NMD3: variants seen among roughly 807,000 people sequenced by gnomAD.
The protein encoded by NMD3 is NMD3 ribosome export adaptor.
NMD3 carries 47 observed loss-of-function variants against 73.1 expected under a neutral mutation model. The ratio of observed to expected loss-of-function variants is 0.64; its 90% CI spans 0.51 to 0.82. The LOEUF is 0.82. NMD3 is among the 40% of genes least tolerant of loss of function. The pLI, the probability that NMD3 is intolerant of heterozygous loss-of-function variation, is 0.00. For missense variants in NMD3, 554 were observed against 612.5 expected (o/e 0.90, Z 1.01); for synonymous variants, 210 against 194.5 (o/e 1.08, Z -0.66).
chr3:161,250,920 G>T lies in NMD3; in HGVS notation c.*10G>T, dbSNP rs202051193. 3.1e-6 allele frequency: 5 copies of T among 1,608,194 alleles called. No homozygotes were observed. In the African/African-American group the frequency reaches 6.7e-5, roughly 22 times the overall value. On this transcript the variant is annotated 3_prime_UTR_variant, in exon 16 of 16. Coordinates refer to ENST00000351193, the MANE Select transcript of NMD3 (RefSeq NM_015938.5). The stretch of plus-strand genomic sequence containing the variant: ...ATCAATGCTGACATAATGAGATGTT[G>T]TAGACTGTTTCCATACATGGGCTTA...
In NMD3 at chr3:161,250,828, G is replaced by T. The variant is rs1283514842; in HGVS notation, c.1430G>T (p.Arg477Leu). The change falls in exon 16 of 16, where the codon CGA becomes CTA. Residue 477 changes from arginine to leucine, a missense_variant. Coordinates refer to ENST00000351193, the MANE Select transcript of NMD3 (RefSeq NM_015938.5). ...ESDTDDEGAP[R>L]ISLAEMLEDL... ...GACACCGATGATGAAGGAGCACCTC[G>T]AATTAGTCTGGCTGAGATGCTTGAA... 1.2e-6 allele frequency: 2 copies of T among 1,611,438 alleles called. No homozygotes were observed. Among genetic ancestry groups the T allele is most frequent in the Admixed American group, 1.7e-5 (1 of 59,950 alleles).
In NMD3 at chr3:161,234,805, A is replaced by G. The variant is rs186916331; in HGVS notation, c.436A>G (p.Arg146Gly). The change falls in exon 6 of 16, where the codon AGA (arginine) becomes GGA (glycine). Residue 146 changes from arginine to glycine, a missense_variant. Coordinates refer to ENST00000351193, the MANE Select transcript of NMD3 (RefSeq NM_015938.5). ...GTCCCAAATGTGTGGAGATTGCCAT[A>G]GAGTAGAAGCTAAGGATTTCTGGAA... ...VQSQMCGDCH[R>G]VEAKDFWKAV... 4.3e-6 allele frequency: 7 copies of G among 1,613,430 alleles called. No homozygotes were observed. The highest frequency in any genetic ancestry group is 4.2e-6 in the Non-Finnish European group (5 of 1,179,564).
intron 4 of NMD3, among the ~76,000 whole-genome samples, chr3:161,229,724 G>A (rs903323034): frequency 7.9e-5 from 12 of 152,208 alleles, no homozygotes; most frequent in Admixed American, 7.9e-4. Flanking sequence ...CCTTTAATGG[G>A]TAATGATGAA....
intron 2 of NMD3, 93 bp from the exon 3 acceptor site, chr3:161,224,837 T>G (rs969328732): frequency 4.8e-5 from 61 of 1,280,340 alleles, no homozygotes; most frequent in Non-Finnish European, 6.3e-5. Flanking sequence ...TGCTGTGGCC[T>G]AACTTGAAGG....
intron 12 of NMD3, 98 bp from the exon 13 acceptor site, chr3:161,247,160 A>G: frequency 1.4e-6 from 1 of 700,680 alleles, no homozygotes; most frequent in Non-Finnish European, 2.6e-6. Flanking sequence ...AGCATATTAA[A>G]TGTTTGATTT....
chr3:161,221,856 C>A (rs1736096520), intron 1 of NMD3, 138 bp from the exon 2 acceptor site: 1 of 546,608 alleles, frequency 1.8e-6, no homozygotes. Flanking sequence ...TTCCTTCTTT[C>A]CTGCTTTTTC....
chr3:161,221,823 G>A lies in NMD3; in HGVS notation c.-20-171G>A, dbSNP rs1230527773. 3 of 470,798 alleles carry A rather than the reference G, an allele frequency of 6.4e-6. No individual in the cohort carries two copies. In the East Asian group the frequency reaches 1.0e-4, roughly 16 times the overall value. The allele number at this position is 470,798 out of a possible 1,614,324, so 29.2% of individuals were successfully genotyped here. On this transcript the variant is annotated intron_variant, in intron 1 of 15. Transcript: ENST00000351193. ...TCCTCATCTTAAAGTTCTTTTTAAC[G>A]AACTTACCCAGTGGAGTTGGGTTTC...
At position 161,233,464 on chromosome 3, in the gene NMD3, G is replaced by A; in HGVS notation, c.342G>A (p.Leu114=). ...ATTCTAAGAGACTTAAAGTTAAACT[G>A]ACTATTCAGAAAGAGGTAAGCAGTA... ...EPHSKRLKVK[L]TIQKEVMNGA... is the part of the protein sequence containing the mutation. Residue 114 remains leucine (L), a synonymous_variant, in exon 5 of 16, where the codon CTG becomes CTA. Transcript: ENST00000351193. 7 of 1,603,484 alleles carry A rather than the reference G, an allele frequency of 4.4e-6. No individual in the cohort carries two copies. Among genetic ancestry groups the A allele is most frequent in the Non-Finnish European group, 6.0e-6 (7 of 1,172,860 alleles).
intron 10 of NMD3, 42 bp downstream of exon 10, chr3:161,241,205 A>T: frequency 1.9e-6 from 2 of 1,079,592 alleles, no homozygotes; most frequent in Non-Finnish European, 2.8e-6. Context: ...TTTGTTTTGT[A>T]TGACAAACAA....
At position 161,227,274 on chromosome 3, in the gene NMD3, A is replaced by G. The variant is rs748833148; in HGVS notation, c.207A>G (p.Ile69Met). The change falls in exon 4 of 16, where the codon ATA (isoleucine) becomes ATG (methionine). Residue 69 changes from isoleucine to methionine, a missense_variant. By Grantham distance (10) the Ile-to-Met change is conservative. Transcript: ENST00000351193. ...QRYFQPPGTW[I>M]QCALESRELL... ...ATTTTCAACCACCAGGAACTTGGAT[A>G]CAGTGTGCTTTAGAATCCAGGGAAC... 1 of 1,612,090 alleles carries G rather than the reference A, an allele frequency of 6.2e-7. No individual in the cohort carries two copies. The highest frequency in any genetic ancestry group is 2.2e-5 in the East Asian group (1 of 44,786).
chr3:161,222,390 G>T (rs988077837), intron 2 of NMD3, among the ~76,000 whole-genome samples: 1 of 151,644 alleles, frequency 6.6e-6, no homozygotes. Context: ...CTGTTGCCCA[G>T]GCTGGAGTGC....
rs1257940658 is a variant in NMD3 at position 161,249,522 on chromosome 3, T to C, written c.1272T>C (p.Leu424=). 1 of 1,612,736 alleles carries C rather than the reference T, an allele frequency of 6.2e-7. No individual in the cohort carries two copies. The highest frequency in any genetic ancestry group is 1.1e-5 in the South Asian group (1 of 91,016). The change falls in exon 14 of 16, where the codon CTT becomes CTC. Residue 424 remains leucine (L), a synonymous_variant. Transcript: ENST00000351193. ...QRRRNWKLKE[L]ARERENMDTD... is the part of the protein sequence containing the mutation. ...GTAGAAACTGGAAATTGAAAGAGCT[T>C]GCAAGAGAGAGAGAAAACATGGATA...
intron 10 of NMD3, among the ~76,000 whole-genome samples, chr3:161,241,466 G>C (rs1214289510): frequency 2.0e-5 from 3 of 148,316 alleles, no homozygotes; most frequent in African/African-American, 7.5e-5. Context: ...TATTGCCCAG[G>C]CTGGTGTGCA....
intron 4 of NMD3, among the ~76,000 whole-genome samples, chr3:161,230,384 G>T (rs1338889873): frequency 6.6e-6 from 1 of 152,082 alleles, no homozygotes; most frequent in Non-Finnish European, 1.5e-5. Flanking sequence ...CGATCCTCCT[G>T]CCTCAGCTTC....
In NMD3 at chr3:161,241,035, C is replaced by T. The variant is rs377286471; in HGVS notation, c.754-11C>T. 43 of 1,550,546 alleles carry T rather than the reference C, an allele frequency of 2.8e-5. No individual in the cohort carries two copies. Among genetic ancestry groups the T allele is most frequent in the Admixed American group, 2.0e-4 (12 of 59,374 alleles). ...ATATGCCTCATTCTAAATGTTAGTTCTTATGCCTAGGATAATGTTGTCTGT... is the reference window on the plus strand; with the variant it reads ...ATATGCCTCATTCTAAATGTTAGTTTTTATGCCTAGGATAATGTTGTCTGT... On this transcript the variant is annotated splice_polypyrimidine_tract_variant and intron_variant, in intron 9 of 15. Coordinates refer to ENST00000351193, the MANE Select transcript of NMD3 (RefSeq NM_015938.5).
rs1258169350 is a variant in NMD3, at chr3:161,222,120, C to G, written c.44+63C>G. On this transcript the variant is annotated intron_variant, in intron 2 of 15. Coordinates refer to ENST00000351193, the MANE Select transcript of NMD3 (RefSeq NM_015938.5). ...AAATCTTCAGTGAGCCCGGGAAACTCACTATGGAGAACGCTTGAGGGTGGG... is the reference window on the plus strand; with the variant it reads ...AAATCTTCAGTGAGCCCGGGAAACTGACTATGGAGAACGCTTGAGGGTGGG... The G allele has an allele frequency of 2.2e-6, 3 of 1,349,548 alleles. No individual in the cohort carries two copies. The East Asian group carries it at 6.9e-5, about 31-fold the overall frequency. The allele number at this position is 1,349,548 out of a possible 1,614,324, so 83.6% of individuals were successfully genotyped here. A position where few individuals can be genotyped will look rare whatever the true frequency, so the allele number is the denominator to read the frequency against.
Position 161,224,918 on chromosome 3 carries a change from T to C in NMD3, c.45-12T>C, listed in dbSNP as rs1397054951. ...AATCTAATGTGAAAAATTTATCCTT[T>C]ATTTATTAAAGCTTGTGCTGTGAGT... On this transcript the variant is annotated splice_polypyrimidine_tract_variant and intron_variant, in intron 2 of 15. Coordinates refer to ENST00000351193, the MANE Select transcript of NMD3 (RefSeq NM_015938.5). 5.8e-6 allele frequency: 9 copies of C among 1,563,718 alleles called. No homozygotes were observed. The highest frequency in any genetic ancestry group is 7.8e-6 in the Non-Finnish European group (9 of 1,160,794).
intron 1 of NMD3, 55 bp downstream of exon 1, chr3:161,221,464 A>G (rs1736074918): frequency 1.3e-5 from 2 of 152,218 alleles, no homozygotes; most frequent in African/African-American, 4.8e-5. Flanking sequence ...TGAGTAGCGG[A>G]TGGGGCGGGC....
rs1737497555 is a variant in NMD3, at chr3:161,251,811, C to A, written c.*901C>A. 1 of 152,086 alleles carries A rather than the reference C, an allele frequency of 6.6e-6. No homozygotes were observed. Among genetic ancestry groups the A allele is most frequent in the Admixed American group, 6.5e-5 (1 of 15,272 alleles). The allele number at this position is 152,086 out of a possible 1,614,324, so 9.4% of individuals were successfully genotyped here. ...AAAATGAGGTACATACTTTATAAAA[C>A]CATTAATCAGATTTGAATGAGGAAT... is the stretch of plus-strand genomic sequence containing the variant. On this transcript the variant is annotated 3_prime_UTR_variant, in exon 16 of 16. Coordinates refer to ENST00000351193, the MANE Select transcript of NMD3 (RefSeq NM_015938.5).
Sources: allele counts gnomAD v4.1 joint callset (sites outside exome capture counted in the v4.1 genomes callset), GRCh38; gene constraint gnomAD v4.1.1; transcripts MANE v1.5; gene names NCBI Gene and HGNC (gene_info 2026-07-23, HGNC 2026-07-21).